PRKCB: variants seen among roughly 807,000 people sequenced by gnomAD.
PRKCB encodes protein kinase C beta, also known as protein kinase C beta type.
In PRKCB, 13 loss-of-function variants were observed where a neutral mutation model predicts 81.5. The observed-to-expected ratio is 0.16, with a 90% CI of 0.10 to 0.25. PRKCB has a LOEUF of 0.25. PRKCB is among the 10% of genes least tolerant of loss of function. The pLI, the probability that PRKCB is intolerant of heterozygous loss-of-function variation, is 1.00. For synonymous variants in PRKCB, 335 were observed against 321.4 expected (o/e 1.04, Z -0.45); for missense variants, 509 against 875.7 (o/e 0.58, Z 5.29).
intron 2 of PRKCB, among the ~76,000 whole-genome samples, chr16:23,954,816 C>T (rs1964328031): frequency 6.6e-6 from 1 of 152,030 alleles, no homozygotes; most frequent in Non-Finnish European, 1.5e-5. Context: ...CTTTGGAAGG[C>T]CGAAGTGGGT....
intron 12 of PRKCB, among the ~76,000 whole-genome samples, chr16:24,176,800 A>G (rs1248725146): frequency 2.0e-5 from 3 of 151,938 alleles, no homozygotes; most frequent in Admixed American, 1.3e-4. Context: ...AGGCTGAGGC[A>G]GGAGAATTGC....
At chr16:24,045,836 T>C (rs922361700) in intron 5 of PRKCB, among the ~76,000 whole-genome samples, 2 of 152,228 alleles carry the variant, frequency 1.3e-5, no homozygotes, top group Admixed American at 1.3e-4. Flanking sequence ...ACGGGAAGAA[T>C]GTGTCTTTTC....
At chr16:24,169,672 T>G (rs1395889746) in intron 10 of PRKCB, among the ~76,000 whole-genome samples, 1 of 152,208 alleles carries the variant, frequency 6.6e-6, no homozygotes, top group Non-Finnish European at 1.5e-5. Flanking sequence ...AAACTGGAAC[T>G]CCTTTCTCCC....
intron 10 of PRKCB, among the ~76,000 whole-genome samples, chr16:24,165,684 A>G (rs1036772067): frequency 1.3e-5 from 2 of 152,188 alleles, no homozygotes; most frequent in African/African-American, 4.8e-5. Context: ...TTGCATAAAG[A>G]TGATGGACTC....
chr16:24,147,425 A>G (rs1967010852), intron 9 of PRKCB, among the ~76,000 whole-genome samples: 2 of 152,174 alleles, frequency 1.3e-5, no homozygotes, highest in African/African-American at 2.4e-5. Context: ...GCCTAGCATC[A>G]TGCCTAGAAC....
rs1567310562 is a variant in PRKCB, at chr16:23,910,369, A to ACCC, written c.205+72963_205+72964insCCC. Among the ~76,000 whole-genome samples the ACCC allele has an allele frequency of 7.2e-5, 11 of 152,236 alleles. 1 individual carries two copies. Among genetic ancestry groups the ACCC allele is most frequent in the Admixed American group, 4.6e-4 (7 of 15,296 alleles). On this transcript the variant is annotated intron_variant, in intron 2 of 16. Transcript: ENST00000643927. ...TGGTACTTAAGACCTGGCACTAATT[A>ACCC]ACACTAGATCACTGTGTGGGAAACA... is the stretch of plus-strand genomic sequence containing the variant.
intron 8 of PRKCB, among the ~76,000 whole-genome samples, chr16:24,119,365 T>A (rs1966772145): frequency 6.6e-6 from 1 of 151,982 alleles, no homozygotes; most frequent in Non-Finnish European, 1.5e-5. Context: ...AAAGTCCTTA[T>A]CTGTCCACTA....
At chr16:23,952,360 G>A (rs1284993830) in intron 2 of PRKCB, among the ~76,000 whole-genome samples, 1 of 152,188 alleles carries the variant, frequency 6.6e-6, no homozygotes, top group Non-Finnish European at 1.5e-5. Context: ...CAGGGGTTTA[G>A]CAGTTAAAAC....
intron 2 of PRKCB, among the ~76,000 whole-genome samples, chr16:23,973,140 C>A (rs928293861): frequency 6.6e-6 from 1 of 152,052 alleles, no homozygotes; most frequent in East Asian, 1.9e-4. Context: ...CAGGTCAGGA[C>A]GGAAGTGATA....
At chr16:24,129,755 A>G (rs1966850613) in intron 9 of PRKCB, among the ~76,000 whole-genome samples, 3 of 152,196 alleles carry the variant, frequency 2.0e-5, no homozygotes, top group Admixed American at 6.5e-5. Flanking sequence ...AAAGATTTTC[A>G]TAACATATCA....
At chr16:23,952,462 T>G (rs1964296438) in intron 2 of PRKCB, among the ~76,000 whole-genome samples, 1 of 152,052 alleles carries the variant, frequency 6.6e-6, no homozygotes, top group Admixed American at 6.5e-5. Context: ...GGGGGCTGCA[T>G]AGAGAGAGAG....
intron 2 of PRKCB, among the ~76,000 whole-genome samples, chr16:23,919,200 A>G (rs1204793207): frequency 6.6e-6 from 1 of 152,232 alleles, no homozygotes; most frequent in African/African-American, 2.4e-5. Context: ...TAAGTTGTTA[A>G]GGATCCAGCA....
intron 9 of PRKCB, among the ~76,000 whole-genome samples, chr16:24,132,226 A>G (rs1966854347): frequency 6.6e-6 from 1 of 152,192 alleles, no homozygotes; most frequent in South Asian, 2.1e-4. Context: ...GCAGTCTTGT[A>G]ACTCATATCT....
Position 24,220,228 on chromosome 16 carries a change from GC to G in PRKCB, c.*5413del. The stretch of plus-strand genomic sequence containing the variant: ...CATGCTGGCATTCAACATGTGGAAA[GC>G]TTGTCTTAGAGGGCTTTTCTTTGTA... On this transcript the variant is annotated 3_prime_UTR_variant, in exon 17 of 17. Coordinates refer to ENST00000643927, the MANE Select transcript of PRKCB (RefSeq NM_002738.7). 1 of 1,335,932 alleles carries G rather than the reference GC, an allele frequency of 7.5e-7. No individual in the cohort carries two copies. Among genetic ancestry groups the G allele is most frequent in the Non-Finnish European group, 1.0e-6 (1 of 972,368 alleles). 82.8% of individuals were successfully genotyped at this position (1,335,932 alleles called of 1,614,324 possible).
chr16:23,960,416 G>A (rs899816544), intron 2 of PRKCB, among the ~76,000 whole-genome samples: 2 of 151,004 alleles, frequency 1.3e-5, no homozygotes, highest in Non-Finnish European at 1.5e-5. Flanking sequence ...CTACTCTATG[G>A]TGACTTTGTG....
rs200118462 is a variant in PRKCB at position 24,204,953 on chromosome 16, C to G, written c.1864-9705C>G. ...TAGCCAACATAGTGAAACCCCGTCT[C>G]TACTAAAAATACAAAAATTAGCTGG... On this transcript the variant is annotated intron_variant, in intron 16 of 16. Coordinates refer to ENST00000643927, the MANE Select transcript of PRKCB (RefSeq NM_002738.7). Among the ~76,000 whole-genome samples the G allele has an allele frequency of 7.5e-4, 114 of 152,000 alleles. 2 individuals carry two copies. The East Asian group carries it at 0.019, about 25-fold the overall frequency.
At chr16:24,101,240 G>C (rs796743540) in intron 7 of PRKCB, among the ~76,000 whole-genome samples, 1 of 152,156 alleles carries the variant, frequency 6.6e-6, no homozygotes. Context: ...AGCTGTTATC[G>C]TCTTTGTTTT....
intron 3 of PRKCB, 38 bp from the exon 4 acceptor site, chr16:24,032,098 C>T: frequency 1.4e-6 from 2 of 1,463,732 alleles, no homozygotes; most frequent in Middle Eastern, 1.8e-4. Context: ...GCATGCTCCA[C>T]TGACGCTGGC....
intron 2 of PRKCB, among the ~76,000 whole-genome samples, chr16:23,848,088 A>G (rs549656894): frequency 6.6e-6 from 1 of 152,276 alleles, no homozygotes; most frequent in South Asian, 2.1e-4. Flanking sequence ...GAGAGAGAAT[A>G]GGGCACATGC....
Sources: gnomAD v4.1 joint callset for allele counts (sites outside exome capture counted in the v4.1 genomes callset) on GRCh38, gnomAD v4.1.1 for gene constraint, MANE v1.5 for transcripts, NCBI Gene and HGNC (gene_info 2026-07-23, HGNC 2026-07-21) for gene names.